Variants in POLR2B observed in about 807,000 individuals in gnomAD.
The protein encoded by POLR2B is DNA-directed RNA polymerase II subunit RPB2.
Under a neutral mutation model 144.6 loss-of-function variants are expected in POLR2B, and 57 were observed. That is an observed-to-expected ratio of 0.39 (90% confidence interval 0.32 to 0.49). The LOEUF (loss-of-function observed/expected upper bound fraction) is 0.49, where lower values mean the gene tolerates loss of function less well. Among genes scored for constraint, POLR2B ranks in the 20% least tolerant of loss-of-function variants. The pLI is 0.83. For missense variants in POLR2B, 595 were observed against 1,467.4 expected (o/e 0.41, Z 9.71); for synonymous variants, 442 against 469.8 (o/e 0.94, Z 0.77).
At chr4:56,998,787 A>G (rs1258820286) in intron 6 of POLR2B, among the ~76,000 whole-genome samples, 1 of 152,248 alleles carries the variant, frequency 6.6e-6, no homozygotes, top group African/African-American at 2.4e-5. Context: ...GGCTGAGGGT[A>G]CAAGAAAAAG....
intron 1 of POLR2B, among the ~76,000 whole-genome samples, chr4:56,982,660 A>C (rs1280776158): frequency 1.3e-5 from 2 of 152,146 alleles, no homozygotes; most frequent in East Asian, 3.8e-4. Context: ...CATAAACATT[A>C]CAAGTAAATA....
chr4:57,000,776 A>C (rs1303931622), intron 7 of POLR2B, among the ~76,000 whole-genome samples: 5 of 150,882 alleles, frequency 3.3e-5, no homozygotes, highest in African/African-American at 1.2e-4. Flanking sequence ...GCTCACCACA[A>C]CCTCCGTCTC....
At position 56,999,797 on chromosome 4, in the gene POLR2B, A is replaced by T; in HGVS notation, c.900+16A>T. 1 of 1,543,490 alleles carries T rather than the reference A, an allele frequency of 6.5e-7. No homozygotes were observed. Among genetic ancestry groups the T allele is most frequent in the South Asian group, 1.1e-5 (1 of 88,754 alleles). On this transcript the variant is annotated intron_variant, in intron 7 of 24. Coordinates refer to ENST00000314595, the MANE Select transcript of POLR2B (RefSeq NM_000938.3). The stretch of plus-strand genomic sequence containing the variant: ...GATGGAAATGGTAATGTGAAAGCAA[A>T]ATGTATTCACAGAGCTTTATAAGAG...
rs557400283 is a variant in POLR2B, at chr4:57,013,690, CA to C, written c.1801-1811del. ...GTGGCTGAGACCACAAGGTGTGTGC[CA>C]CCACACCCAGGTTTTGTTCATCACA... On this transcript the variant is annotated intron_variant, in intron 13 of 24. Transcript: ENST00000314595. 2.5e-3 allele frequency among the ~76,000 whole-genome samples: 373 copies of C among 152,214 alleles called. 2 individuals carry two copies. The highest frequency in any genetic ancestry group is 3.6e-3 in the Non-Finnish European group (248 of 67,998).
At chr4:56,996,309 T>A (rs1722687116) in intron 6 of POLR2B, among the ~76,000 whole-genome samples, 1 of 131,180 alleles carries the variant, frequency 7.6e-6, no homozygotes, top group African/African-American at 2.8e-5. Flanking sequence ...TGAGACGGAG[T>A]CTTGCCCTGT....
At chr4:57,026,618 C>T (rs1282268692) in intron 23 of POLR2B, among the ~76,000 whole-genome samples, 1 of 151,402 alleles carries the variant, frequency 6.6e-6, no homozygotes, top group African/African-American at 2.4e-5. Flanking sequence ...CATGTTTTGG[C>T]TGGGCGTGGT....
At chr4:57,013,728 A>G (rs1473282380) in intron 13 of POLR2B, among the ~76,000 whole-genome samples, 1 of 152,066 alleles carries the variant, frequency 6.6e-6, no homozygotes, top group East Asian at 1.9e-4. Flanking sequence ...AGTGTGTATT[A>G]TGTATTTAGC....
chr4:56,989,695 G>A (rs1304659782), intron 2 of POLR2B, among the ~76,000 whole-genome samples: 1 of 152,224 alleles, frequency 6.6e-6, no homozygotes, highest in Non-Finnish European at 1.5e-5. Context: ...AGATATAGGA[G>A]TGGAGACGTG....
intron 2 of POLR2B, among the ~76,000 whole-genome samples, chr4:56,988,410 T>TC (rs1282658776): frequency 6.6e-6 from 1 of 152,052 alleles, no homozygotes; most frequent in Non-Finnish European, 1.5e-5. Context: ...CTGCCCGTAA[T>TC]CCCAACACTT....
intron 10 of POLR2B, 101 bp from the exon 11 acceptor site, chr4:57,010,260 T>TCTCTC: frequency 9.6e-7 from 1 of 1,041,122 alleles, no homozygotes; most frequent in Non-Finnish European, 1.4e-6. Flanking sequence ...GGGAACAGTT[T>TCTCTC]GATACTCAGT....
rs1282234909 is a variant in POLR2B at position 57,017,626 on chromosome 4, C to T, written c.2221C>T (p.His741Tyr). ...TATGGGAGTTTACATCACCAACTTC[C>T]ATGTTCGCATGGACACATTGGCCCA... ...QAMGVYITNF[H>Y]VRMDTLAHVL... The change falls in exon 16 of 25, where the codon CAT (histidine) becomes TAT (tyrosine). Residue 741 changes from histidine (H) to tyrosine (Y), a missense_variant. His to Tyr is a moderately conservative substitution (Grantham distance 83). Around this residue, in one of 9 missense-constraint regions of POLR2B, gnomAD observed 39 missense variants for 174.3 expected, o/e 0.22. Transcript: ENST00000314595. The surrounding 1 kb of genome is among the most constrained non-coding windows in gnomAD (Gnocchi z 4.8). 6.2e-7 allele frequency: 1 copy of T among 1,613,692 alleles called. No individual in the cohort carries two copies. The highest frequency in any genetic ancestry group is 8.5e-7 in the Non-Finnish European group (1 of 1,179,632).
At chr4:56,995,025 C>T (rs1722636059) in intron 5 of POLR2B, among the ~76,000 whole-genome samples, 159 bp downstream of exon 5, 1 of 151,536 alleles carries the variant, frequency 6.6e-6, no homozygotes, top group African/African-American at 2.4e-5. Context: ...CTTATATAAA[C>T]CAAAGCTTTA....
rs369396992 is a variant in POLR2B at position 57,005,743 on chromosome 4, A to G, written c.1217+24A>G. 3.7e-6 allele frequency: 6 copies of G among 1,604,226 alleles called. No homozygotes were observed. The Admixed American group carries it at 5.2e-5, about 14-fold the overall frequency. On this transcript the variant is annotated intron_variant, in intron 9 of 24. Coordinates refer to ENST00000314595, the MANE Select transcript of POLR2B (RefSeq NM_000938.3). Reference sequence around the variant, plus strand: ...GGGTAAGGAATTACAGAATGAAGTCATTAAAGCAGGGAGATTTATTTCACT... The same window carrying G: ...GGGTAAGGAATTACAGAATGAAGTCGTTAAAGCAGGGAGATTTATTTCACT...
chr4:56,994,543 A>G (rs372042978), intron 4 of POLR2B, 27 bp downstream of exon 4: 25 of 1,463,390 alleles, frequency 1.7e-5, no homozygotes, highest in Non-Finnish European at 2.4e-5. Context: ...CCTTGTCAGC[A>G]GTAGATACTG....
At chr4:56,992,884 C>T (rs964029030) in intron 3 of POLR2B, among the ~76,000 whole-genome samples, 1 of 151,792 alleles carries the variant, frequency 6.6e-6, no homozygotes, top group African/African-American at 2.4e-5. Context: ...AGATGGAACC[C>T]GATTGTTGAA....
intron 13 of POLR2B, among the ~76,000 whole-genome samples, chr4:57,014,595 C>A (rs188710124): frequency 3.3e-5 from 5 of 150,850 alleles, no homozygotes; most frequent in Non-Finnish European, 7.4e-5. Flanking sequence ...CTCTGCCTCC[C>A]GGGTTCATGC....
chr4:57,024,573 T>C (rs1230473784), intron 21 of POLR2B, among the ~76,000 whole-genome samples: 2 of 152,128 alleles, frequency 1.3e-5, no homozygotes, highest in Admixed American at 1.3e-4. Context: ...CTGAAGTACT[T>C]AGGAGTCTCA....
intron 11 of POLR2B, 102 bp downstream of exon 11, chr4:57,010,606 T>C (rs1460817797): frequency 7.3e-7 from 1 of 1,377,110 alleles, no homozygotes; most frequent in African/African-American, 1.5e-5. Context: ...TGCAGAGTGG[T>C]TTAGAAATAA....
At chr4:57,006,703 G>T (rs748619246) in intron 9 of POLR2B, 113 bp from the exon 10 acceptor site, 31 of 763,958 alleles carry the variant, frequency 4.1e-5, no homozygotes, top group Non-Finnish European at 6.2e-5. Context: ...CTTTCACTCT[G>T]CCCAAACAAT....
Sources: gnomAD v4.1 joint callset for allele counts (sites outside exome capture counted in the v4.1 genomes callset) on GRCh38, gnomAD v4.1.1 for gene constraint, gnomAD v4.1.1 regional missense constraint, Gnocchi (gnomAD v3.1) non-coding constraint, MANE v1.5 for transcripts, NCBI Gene and HGNC (gene_info 2026-07-23, HGNC 2026-07-21) for gene names.